Variants in RPP40 observed in about 807,000 individuals in gnomAD.
RPP40 encodes ribonuclease P protein subunit p40.
Under a neutral mutation model 42.5 loss-of-function variants are expected in RPP40, and 30 were observed. That is an observed-to-expected ratio of 0.71 (90% CI 0.53 to 0.96). RPP40 has a LOEUF of 0.96. RPP40 is among the 40% of genes least tolerant of loss of function. RPP40 has a pLI of 0.00. For missense variants in RPP40, 426 were observed against 433.5 expected (o/e 0.98, Z 0.15); for synonymous variants, 173 against 164.0 (o/e 1.05, Z -0.42).
intron 5 of RPP40, among the ~76,000 whole-genome samples, chr6:4,997,979 TTCTA>T (rs1374874333): frequency 2.0e-5 from 3 of 152,226 alleles, no homozygotes; most frequent in Non-Finnish European, 2.9e-5. Flanking sequence ...CTGCCCTCTT[TTCTA>T]TCTACCATAT....
rs1759319697 is a variant in RPP40, at chr6:4,994,839, T to C, written c.*239A>G. On this transcript the variant is annotated 3_prime_UTR_variant, in exon 8 of 8. Coordinates refer to ENST00000380051, the MANE Select transcript of RPP40 (RefSeq NM_006638.4). ...GGACATCCTGGCCCAGTGTACCACA[T>C]AGTAACCCACAACCCTGTGCTTATG... 2 of 506,162 alleles carry C rather than the reference T, an allele frequency of 4.0e-6. No homozygotes were observed. Among genetic ancestry groups the C allele is most frequent in the Non-Finnish European group, 3.5e-6 (1 of 285,634 alleles). The allele number at this position is 506,162 out of a possible 1,614,324, so 31.4% of individuals were successfully genotyped here. A position where few individuals can be genotyped will look rare whatever the true frequency, so the allele number is the denominator to read the frequency against.
chr6:5,003,515 G>A (rs1037936851), intron 1 of RPP40: 4 of 183,620 alleles, frequency 2.2e-5, no homozygotes, highest in Non-Finnish European at 3.4e-5. Flanking sequence ...AAAAAGCGAG[G>A]TGCACGTGGC....
chr6:4,995,828 T>C (rs2127539936), intron 7 of RPP40, 123 bp downstream of exon 7: 1 of 871,222 alleles, frequency 1.1e-6, no homozygotes, highest in Non-Finnish European at 1.8e-6. Flanking sequence ...CAATAGGCGA[T>C]TTGAGTTCCT....
chr6:4,999,888 T>G lies in RPP40; in HGVS notation c.354A>C (p.Ser118=). ...ALLPNGKLIL[S]LDKDTYEETG... is the part of the protein sequence containing the mutation. Reference sequence around the variant, plus strand: ...TTTCTTCATAAGTGTCTTTATCCAGTGACAAAATTAATTTCCCTATAAATC... The same window carrying G: ...TTTCTTCATAAGTGTCTTTATCCAGGGACAAAATTAATTTCCCTATAAATC... The change falls in exon 4 of 8, where the codon TCA becomes TCC. Residue 118 remains serine (S), a synonymous_variant. Coordinates refer to ENST00000380051, the MANE Select transcript of RPP40 (RefSeq NM_006638.4). 6.3e-7 allele frequency: 1 copy of G among 1,599,916 alleles called. No individual in the cohort carries two copies. Among genetic ancestry groups the G allele is most frequent in the Non-Finnish European group, 8.6e-7 (1 of 1,168,306 alleles).
chr6:4,993,463 T>G (rs1463087211), downstream of RPP40, among the ~76,000 whole-genome samples: 1 of 152,230 alleles, frequency 6.6e-6, no homozygotes, highest in Non-Finnish European at 1.5e-5. Flanking sequence ...CTTGCTAACT[T>G]TAACATCTTA....
Position 5,000,468 on chromosome 6 carries a change from G to A in RPP40, c.337+95C>T, listed in dbSNP as rs564840796. On this transcript the variant is annotated intron_variant, in intron 3 of 7. Coordinates refer to ENST00000380051, the MANE Select transcript of RPP40 (RefSeq NM_006638.4). The stretch of plus-strand genomic sequence containing the variant: ...CTCCCAAAGTGCAGGGATTACAGGC[G>A]TGAGCCACCGTGCCCAGCTGACTTT... 1,580 of 792,816 alleles carry A rather than the reference G, an allele frequency of 2.0e-3. 26 individuals carry two copies. In the African/African-American group the frequency reaches 0.026, roughly 13 times the overall value. 49.1% of individuals were successfully genotyped at this position (792,816 alleles called of 1,614,324 possible). A position where few individuals can be genotyped will look rare whatever the true frequency, so the allele number is the denominator to read the frequency against.
chr6:4,992,621 T>C (rs1759277343), downstream of RPP40, among the ~76,000 whole-genome samples: 1 of 152,216 alleles, frequency 6.6e-6, no homozygotes, highest in South Asian at 2.1e-4. Context: ...AGGCAGAATA[T>C]AATTAGGTCA....
downstream of RPP40, among the ~76,000 whole-genome samples, chr6:4,990,762 C>T (rs1042381759): frequency 4.0e-5 from 6 of 151,278 alleles, no homozygotes; most frequent in South Asian, 2.1e-4. Context: ...AATACAGGTG[C>T]GAGCCACCAC....
intron 3 of RPP40, 59 bp downstream of exon 3, chr6:5,000,504 T>C: frequency 9.7e-7 from 1 of 1,034,286 alleles, no homozygotes; most frequent in Non-Finnish European, 1.4e-6. Flanking sequence ...TTTTTTTTTT[T>C]TTTTACAGTA....
downstream of RPP40, among the ~76,000 whole-genome samples, chr6:4,990,014 T>C (rs1020621434): frequency 3.3e-5 from 5 of 152,198 alleles, no homozygotes; most frequent in African/African-American, 1.2e-4. Context: ...GTTCCTGACG[T>C]TGGGAAGGTG....
In RPP40 at chr6:5,003,906, C is replaced by G. The variant is rs1759673260; in HGVS notation, c.97G>C (p.Val33Leu). The G allele has an allele frequency of 6.2e-7, 1 of 1,613,768 alleles. No homozygotes were observed. The highest frequency in any genetic ancestry group is 8.5e-7 in the Non-Finnish European group (1 of 1,179,740). ...GNHKSRHRHL[V>L]QTHYYNYRVS... ...CTGTAGTTATAGTAGTGCGTCTGCA[C>G]AAGATGCCGGTGGCGCGACTTGTGG... is the stretch of plus-strand genomic sequence containing the variant. Residue 33 changes from valine to leucine, a missense_variant, in exon 1 of 8, where the codon GTG becomes CTG. Physicochemically the swap from Val to Leu is conservative, Grantham distance 32. Transcript: ENST00000380051.
intron 5 of RPP40, 80 bp from the exon 6 acceptor site, chr6:4,996,500 T>C: frequency 3.1e-6 from 4 of 1,276,724 alleles, no homozygotes; most frequent in Non-Finnish European, 4.5e-6. Context: ...AACCCACCCA[T>C]TCCCATCTGA....
chr6:4,993,267 A>T (rs1323335559), downstream of RPP40, among the ~76,000 whole-genome samples: 1 of 152,100 alleles, frequency 6.6e-6, no homozygotes, highest in African/African-American at 2.4e-5. Context: ...ATTTCTTCAT[A>T]TCCATTATTC....
chr6:4,994,283 T>A (rs1373593980), downstream of RPP40, among the ~76,000 whole-genome samples: 1 of 149,690 alleles, frequency 6.7e-6, no homozygotes, highest in Admixed American at 6.6e-5. Flanking sequence ...CATTAGGAGA[T>A]ATACCTAATG....
chr6:4,991,988 G>A (rs1231329253), downstream of RPP40, among the ~76,000 whole-genome samples: 1 of 152,002 alleles, frequency 6.6e-6, no homozygotes, highest in African/African-American at 2.4e-5. Flanking sequence ...TTTTCCTGAG[G>A]CCTCCCCAGA....
chr6:4,996,470 G>T (rs1458363224), intron 5 of RPP40, 50 bp from the exon 6 acceptor site: 1 of 1,583,066 alleles, frequency 6.3e-7, no homozygotes, highest in Admixed American at 1.7e-5. Context: ...ACCATCGTAA[G>T]CAAGTTTAGT....
rs1223003743 is a variant in RPP40, at chr6:4,995,986, A to T, written c.858T>A (p.Leu286=). Reference sequence around the variant, plus strand: ...CCAATAGGAGACAGATCTTCTCTGGAAGTATGAAGCCAGTGATTGTACACA... The same window carrying T: ...CCAATAGGAGACAGATCTTCTCTGGTAGTATGAAGCCAGTGATTGTACACA... The part of the protein sequence containing the change: ...AYLCTITGFI[L]PEKICLLLEH... Residue 286 remains leucine, a synonymous_variant, in exon 7 of 8, where the codon CTT becomes CTA. Transcript: ENST00000380051. 3 of 1,614,016 alleles carry T rather than the reference A, an allele frequency of 1.9e-6. No individual in the cohort carries two copies. Among genetic ancestry groups the T allele is most frequent in the African/African-American group, 2.7e-5 (2 of 74,938 alleles).
chr6:5,000,316 G>T (rs557143678), intron 3 of RPP40, among the ~76,000 whole-genome samples: 1 of 152,146 alleles, frequency 6.6e-6, no homozygotes, highest in East Asian at 1.9e-4. Flanking sequence ...AGCCTCCCAA[G>T]GAGCTGGGAC....
intron 2 of RPP40, among the ~76,000 whole-genome samples, chr6:5,000,875 A>AAGCATGCAGAAGACC (rs1759533535): frequency 2.6e-4 from 31 of 120,612 alleles, no homozygotes; most frequent in Non-Finnish European, 3.8e-4. Context: ...TGCAGAAGAC[A>AAGCATGCAGAAGACC]AAGCTTGCAG....
Sources: allele counts gnomAD v4.1 joint callset (sites outside exome capture counted in the v4.1 genomes callset), GRCh38; gene constraint gnomAD v4.1.1; transcripts MANE v1.5; gene names NCBI Gene and HGNC (gene_info 2026-07-23, HGNC 2026-07-21).